Variants in TG observed in about 807,000 individuals in gnomAD.
TG encodes thyroglobulin.
Under a neutral mutation model 324.7 loss-of-function variants are expected in TG, and 270 were observed. The observed-to-expected ratio is 0.83, with a 90% CI of 0.75 to 0.92. The LOEUF (loss-of-function observed/expected upper bound fraction) is 0.92. TG is among the 40% of genes least tolerant of loss of function. TG has a pLI of 0.00. For synonymous variants in TG, 1,401 were observed against 1,327.0 expected, an observed-to-expected ratio of 1.06 and a Z score of -1.21; for missense variants, 3,591 against 3,456.4, an observed-to-expected ratio of 1.04 and a Z score of -0.98.
rs573485523 is a variant in TG, at chr8:132,894,534, C to T, written c.3001+605C>T. On this transcript the variant is annotated intron_variant, in intron 11 of 47. Coordinates refer to ENST00000220616, the MANE Select transcript of TG (RefSeq NM_003235.5). ...GGTGCAGTGGCACAATCATAGCTCA[C>T]CACAGCCTCGAACTCCTGGGCTCAA... Among the ~76,000 whole-genome samples the T allele has an allele frequency of 4.5e-3, 687 of 151,866 alleles. 5 individuals are homozygous for T. The highest frequency in any genetic ancestry group is 7.7e-3 in the Non-Finnish European group (522 of 67,970).
intron 41 of TG, chr8:133,060,386 C>T (rs1163724911): frequency 6.6e-7 from 1 of 1,521,874 alleles, no homozygotes; most frequent in Non-Finnish European, 8.8e-7. Flanking sequence ...GTTCTTTTAT[C>T]AAGGGAATGA....
chr8:132,878,395 T>A (rs1257215675), intron 5 of TG, among the ~76,000 whole-genome samples: 3 of 152,034 alleles, frequency 2.0e-5, no homozygotes, highest in Admixed American at 2.0e-4. Flanking sequence ...GGCGGGCAGA[T>A]CACGAGGTCA....
chr8:132,974,888 G>A (rs977531257), intron 34 of TG, among the ~76,000 whole-genome samples: 5 of 152,100 alleles, frequency 3.3e-5, no homozygotes, highest in Admixed American at 3.3e-4. Context: ...TGTTTCTGGA[G>A]TTAATTATTA....
In TG at chr8:132,941,466, T is replaced by C. The variant is rs569476191; in HGVS notation, c.5157T>C (p.Asp1719=). ...VFSASGANLT[D]AHLFCLLACD... Reference sequence around the variant, plus strand: ...CAGCCTCAGGAGCCAATCTAACCGATGCTCACCTCTTCTGTCTTCTTGCAT... The same window carrying C: ...CAGCCTCAGGAGCCAATCTAACCGACGCTCACCTCTTCTGTCTTCTTGCAT... The change falls in exon 26 of 48, where the codon GAT becomes GAC. Residue 1719 remains aspartate (D), a synonymous_variant. Coordinates refer to ENST00000220616, the MANE Select transcript of TG (RefSeq NM_003235.5). 9.9e-6 allele frequency: 16 copies of C among 1,614,236 alleles called. No homozygotes were observed. The highest frequency in any genetic ancestry group is 1.6e-4 in the Middle Eastern group (1 of 6,062).
intron 10 of TG, 57 bp downstream of exon 10, chr8:132,888,625 G>GTA: frequency 8.4e-5 from 87 of 1,032,000 alleles, no homozygotes; most frequent in South Asian, 2.2e-4. Flanking sequence ...GTGTGTGTAT[G>GTA]TGTGTTTAAC....
At chr8:133,044,882 C>T in intron 41 of TG, 2 of 1,136,742 alleles carry the variant, frequency 1.8e-6, no homozygotes. Flanking sequence ...GCAGCATAGG[C>T]AGTAAGCAAG....
chr8:132,976,521 G>A (rs1830194769), intron 34 of TG, among the ~76,000 whole-genome samples: 1 of 152,190 alleles, frequency 6.6e-6, no homozygotes, highest in South Asian at 2.1e-4. Flanking sequence ...GTTCCTATGG[G>A]CCCTCTTTTT....
At chr8:133,104,819 T>C (rs1849654484) in intron 43 of TG, among the ~76,000 whole-genome samples, 1 of 152,126 alleles carries the variant, frequency 6.6e-6, no homozygotes, top group Non-Finnish European at 1.5e-5. Flanking sequence ...CCACCCTGTC[T>C]CCACTGAATG....
intron 26 of TG, among the ~76,000 whole-genome samples, chr8:132,944,311 G>A (rs2687807): frequency 0.52 from 78,902 of 151,820 alleles, 21,893 homozygotes; most frequent in Non-Finnish European, 0.61. Context: ...CTCTTAATTG[G>A]CCTCTCACCA....
intron 36 of TG, 89 bp from the exon 37 acceptor site, chr8:133,013,511 G>A (rs1436593211): frequency 7.9e-6 from 12 of 1,513,988 alleles, no homozygotes; most frequent in Non-Finnish European, 1.1e-5. Flanking sequence ...GGGTGGATGA[G>A]TGGATGGTTG....
intron 26 of TG, among the ~76,000 whole-genome samples, chr8:132,947,855 G>A (rs1825545274): frequency 6.6e-6 from 1 of 152,174 alleles, no homozygotes; most frequent in Non-Finnish European, 1.5e-5. Flanking sequence ...CTGGCACATA[G>A]CAGATATAAA....
chr8:133,028,007 A>G (rs761195911), intron 40 of TG, among the ~76,000 whole-genome samples: 8 of 152,190 alleles, frequency 5.3e-5, no homozygotes, highest in East Asian at 1.9e-4. Flanking sequence ...CTGAAGCCCA[A>G]TTCATACTTG....
At chr8:133,033,923 TC>T (rs1836856761) in intron 41 of TG, among the ~76,000 whole-genome samples, 1 of 152,256 alleles carries the variant, frequency 6.6e-6, no homozygotes, top group Non-Finnish European at 1.5e-5. Context: ...ATGAGTTTAA[TC>T]CGCTTAGTGT....
intron 45 of TG, among the ~76,000 whole-genome samples, chr8:133,120,270 A>C (rs1851036684): frequency 6.6e-6 from 1 of 152,256 alleles, no homozygotes; most frequent in African/African-American, 2.4e-5. Flanking sequence ...ACAGTGGCAA[A>C]ATAAAAAAGA....
intron 5 of TG, among the ~76,000 whole-genome samples, chr8:132,878,668 C>A (rs1056028810): frequency 2.0e-5 from 3 of 151,878 alleles, no homozygotes. Context: ...TCAGAGGCTG[C>A]GAATGTTGGG....
intron 41 of TG, among the ~76,000 whole-genome samples, chr8:133,067,197 G>A (rs190981149): frequency 6.6e-6 from 1 of 152,262 alleles, no homozygotes; most frequent in East Asian, 1.9e-4. Context: ...CTCTCTGAGT[G>A]CGAGGCTGGG....
chr8:133,095,839 T>C (rs1307018168), intron 42 of TG, among the ~76,000 whole-genome samples: 1 of 152,234 alleles, frequency 6.6e-6, no homozygotes, highest in East Asian at 1.9e-4. Context: ...AAGTGCAGGC[T>C]AATTTGATCA....
At chr8:132,924,136 G>A (rs1228976110) in intron 22 of TG, among the ~76,000 whole-genome samples, 1 of 151,860 alleles carries the variant, frequency 6.6e-6, no homozygotes, top group Non-Finnish European at 1.5e-5. Context: ...CCATTTGGGG[G>A]TGATGGGAGA....
intron 27 of TG, among the ~76,000 whole-genome samples, chr8:132,957,787 A>G (rs1827146096): frequency 6.6e-6 from 1 of 151,748 alleles, no homozygotes; most frequent in African/African-American, 2.4e-5. Context: ...ACACACACGT[A>G]TGTATATATT....
Sources: gnomAD v4.1 joint callset for allele counts (sites outside exome capture counted in the v4.1 genomes callset) on GRCh38, gnomAD v4.1.1 for gene constraint, MANE v1.5 for transcripts, NCBI Gene and HGNC (gene_info 2026-07-23, HGNC 2026-07-21) for gene names.